NKAIN2: variants seen among roughly 807,000 people sequenced by gnomAD.
NKAIN2 encodes sodium/potassium transporting ATPase interacting 2, also known as sodium/potassium-transporting ATPase subunit beta-1-interacting protein 2.
A neutral mutation model predicts 32.6 loss-of-function variants in NKAIN2; 14 were observed. The observed-to-expected ratio is 0.43, with a 90% CI of 0.28 to 0.67. NKAIN2 has a LOEUF of 0.67. Among genes scored for constraint, NKAIN2 ranks in the 30% least tolerant of loss-of-function variants. The pLI is 0.17. For synonymous variants in NKAIN2, 80 were observed against 87.2 expected (o/e 0.92, Z 0.46); for missense variants, 198 against 258.3 (o/e 0.77, Z 1.60).
intron 3 of NKAIN2, among the ~76,000 whole-genome samples, chr6:124,656,879 T>C (rs975365203): frequency 2.9e-4 from 44 of 152,188 alleles, no homozygotes; most frequent in Non-Finnish European, 8.8e-5. Flanking sequence ...CAGGTAGCTC[T>C]AGCCACAGAC....
intron 1 of NKAIN2, among the ~76,000 whole-genome samples, chr6:123,988,874 A>AGTGT (rs72226512): frequency 0.018 from 2,399 of 134,378 alleles, 66 homozygotes; most frequent in East Asian, 0.14. Flanking sequence ...GAACCTTAAG[A>AGTGT]GTGTGTGTGT....
intron 3 of NKAIN2, among the ~76,000 whole-genome samples, chr6:124,587,081 A>G (rs1781737548): frequency 6.6e-6 from 1 of 152,090 alleles, no homozygotes; most frequent in Non-Finnish European, 1.5e-5. Context: ...GAATAATGGA[A>G]CTCTTCTATT....
chr6:124,490,352 A>C (rs1475023987), intron 3 of NKAIN2: 3 of 438,644 alleles, frequency 6.8e-6, no homozygotes, highest in African/African-American at 6.1e-5. Context: ...GAATTACATG[A>C]ATGTGGCAAA....
At chr6:124,069,503 C>T (rs960317819) in intron 1 of NKAIN2, among the ~76,000 whole-genome samples, 4 of 152,028 alleles carry the variant, frequency 2.6e-5, no homozygotes, top group African/African-American at 9.7e-5. Context: ...CAGCCTCATT[C>T]TGTTTTTATA....
intron 3 of NKAIN2, among the ~76,000 whole-genome samples, chr6:124,507,028 A>T (rs1159960462): frequency 6.6e-6 from 1 of 152,244 alleles, no homozygotes; most frequent in African/African-American, 2.4e-5. Flanking sequence ...CTCTAGTTTT[A>T]GTGACATCCC....
chr6:124,180,681 A>G (rs1789398496), intron 1 of NKAIN2, among the ~76,000 whole-genome samples: 1 of 152,196 alleles, frequency 6.6e-6, no homozygotes, highest in Non-Finnish European at 1.5e-5. Flanking sequence ...ATCTGAGACA[A>G]GGCAAGTCCT....
At chr6:124,501,053 G>A (rs373916922) in intron 3 of NKAIN2, among the ~76,000 whole-genome samples, 4 of 152,144 alleles carry the variant, frequency 2.6e-5, no homozygotes, top group South Asian at 2.1e-4. Context: ...AAAGCAGAGC[G>A]GTGAGGTAAT....
chr6:124,792,149 T>G (rs895966261), intron 5 of NKAIN2, among the ~76,000 whole-genome samples: 7 of 152,128 alleles, frequency 4.6e-5, no homozygotes, highest in African/African-American at 1.7e-4. Context: ...TAATTGCCTA[T>G]ATAGTTACAT....
intron 3 of NKAIN2, among the ~76,000 whole-genome samples, chr6:124,488,611 G>A (rs1305214091): frequency 1.3e-5 from 2 of 151,912 alleles, no homozygotes; most frequent in South Asian, 4.1e-4. Context: ...GTGGAGGGAA[G>A]GTTTCTTCAA....
At chr6:124,003,101 C>G (rs374444702) in intron 1 of NKAIN2, among the ~76,000 whole-genome samples, 1 of 152,172 alleles carries the variant, frequency 6.6e-6, no homozygotes, top group African/African-American at 2.4e-5. Context: ...AACTATTCCT[C>G]TTTACAGATA....
In NKAIN2 at chr6:124,059,807, CTT is replaced by C. The variant is rs113047040; in HGVS notation, c.55-223196_55-223195del. Among the ~76,000 whole-genome samples, 1,372 of 152,234 alleles carry C rather than the reference CTT, an allele frequency of 9.0e-3. 20 individuals carry two copies. The highest frequency in any genetic ancestry group is 0.031 in the African/African-American group (1,308 of 41,544). On this transcript the variant is annotated intron_variant, in intron 1 of 6. Transcript: ENST00000368417. Reference sequence around the variant, plus strand: ...TCTCTGGGTACAGAATGTGACATCTCTTTGTTTTTTTCCTCCCATTTTCACAT... The same window carrying C: ...TCTCTGGGTACAGAATGTGACATCTCTGTTTTTTTCCTCCCATTTTCACAT...
intron 1 of NKAIN2, among the ~76,000 whole-genome samples, chr6:124,163,061 A>G (rs1382986997): frequency 1.3e-5 from 2 of 152,080 alleles, no homozygotes; most frequent in African/African-American, 2.4e-5. Context: ...ACATCAAATT[A>G]TGATTTTTTC....
chr6:124,278,100 T>C (rs1795125340), intron 1 of NKAIN2, among the ~76,000 whole-genome samples: 1 of 151,844 alleles, frequency 6.6e-6, no homozygotes, highest in Admixed American at 6.5e-5. Context: ...GTCTTACCAG[T>C]TGAGGAAAAC....
At chr6:124,574,095 G>A (rs1475649322) in intron 3 of NKAIN2, among the ~76,000 whole-genome samples, 1 of 152,188 alleles carries the variant, frequency 6.6e-6, no homozygotes, top group Non-Finnish European at 1.5e-5. Context: ...GAAAAAGCAA[G>A]TAGCAGATGT....
At chr6:124,642,543 CTGA>C (rs1784031662) in intron 3 of NKAIN2, among the ~76,000 whole-genome samples, 1 of 152,088 alleles carries the variant, frequency 6.6e-6, no homozygotes, top group African/African-American at 2.4e-5. Flanking sequence ...ACAGTGCTTT[CTGA>C]TGATAACTTA....
chr6:124,611,688 G>C (rs541445598), intron 3 of NKAIN2, among the ~76,000 whole-genome samples: 105 of 152,236 alleles, frequency 6.9e-4, no homozygotes, highest in African/African-American at 2.5e-3. Flanking sequence ...TGGTGGATTA[G>C]AATAAAATAG....
chr6:123,822,753 T>C (rs1227876742), intron 1 of NKAIN2, among the ~76,000 whole-genome samples: 1 of 152,188 alleles, frequency 6.6e-6, no homozygotes, highest in Non-Finnish European at 1.5e-5. Flanking sequence ...TCTCAAATCC[T>C]GTCTCCAAAA....
chr6:123,990,094 G>A (rs1193735024), intron 1 of NKAIN2, among the ~76,000 whole-genome samples: 1 of 152,084 alleles, frequency 6.6e-6, no homozygotes, highest in Non-Finnish European at 1.5e-5. Context: ...GTGCAAGCAG[G>A]ATAAATGCCA....
chr6:124,523,458 CT>C (rs749021482), intron 3 of NKAIN2, among the ~76,000 whole-genome samples: 35 of 151,180 alleles, frequency 2.3e-4, no homozygotes, highest in Non-Finnish European at 3.5e-4. Flanking sequence ...CATTTTCGCA[CT>C]TTTCCCCAAG....
Sources: gnomAD v4.1 joint callset for allele counts (sites outside exome capture counted in the v4.1 genomes callset) on GRCh38, gnomAD v4.1.1 for gene constraint, MANE v1.5 for transcripts, NCBI Gene and HGNC (gene_info 2026-07-23, HGNC 2026-07-21) for gene names.